TRIM21: variants seen among roughly 807,000 people sequenced by gnomAD.
The protein encoded by TRIM21 is E3 ubiquitin-protein ligase TRIM21.
A neutral mutation model predicts 36.1 loss-of-function variants in TRIM21; 35 were observed. The ratio of observed to expected loss-of-function variants is 0.97; its 90% CI spans 0.74 to 1.28. The LOEUF is 1.28. Ranked by LOEUF, TRIM21 falls within the 50% of genes most tolerant of loss-of-function variation. The pLI, the probability that TRIM21 is intolerant of heterozygous loss-of-function variation, is 0.00. For synonymous variants in TRIM21, 256 were observed against 211.5 expected (o/e 1.21, Z -1.83); for missense variants, 635 against 570.7 (o/e 1.11, Z -1.15).
intron 4 of TRIM21, among the ~76,000 whole-genome samples, chr11:4,387,354 G>A (rs2094957379): frequency 6.6e-6 from 1 of 152,046 alleles, no homozygotes; most frequent in Non-Finnish European, 1.5e-5. Flanking sequence ...GAATGGCCGA[G>A]TTCAGGTGTC....
chr11:4,385,923 G>T lies in TRIM21; in HGVS notation c.860-70C>A, dbSNP rs879026634. ...ACTAAGTCTGTGCCTGTGGTGGGGG[G>T]ATTTTGTGTAAACTCCAGGGTAAGC... On this transcript the variant is annotated intron_variant, in intron 6 of 6. Coordinates refer to ENST00000254436, the MANE Select transcript of TRIM21 (RefSeq NM_003141.4). The T allele has an allele frequency of 8.4e-6, 12 of 1,426,008 alleles. No individual in the cohort carries two copies. The African/African-American group carries it at 1.1e-4, about 14-fold the overall frequency. 88.3% of individuals were successfully genotyped at this position (1,426,008 alleles called of 1,614,324 possible).
intron 1 of TRIM21, among the ~76,000 whole-genome samples, chr11:4,392,719 T>C (rs1156818327): frequency 6.6e-6 from 1 of 152,194 alleles, no homozygotes; most frequent in Non-Finnish European, 1.5e-5. Context: ...GGTCCATTGA[T>C]CCAGTGAGAC....
intron 1 of TRIM21, among the ~76,000 whole-genome samples, 200 bp from the exon 2 acceptor site, chr11:4,390,658 C>G (rs1378564767): frequency 6.6e-6 from 1 of 152,110 alleles, no homozygotes; most frequent in East Asian, 1.9e-4. Context: ...CTGGAGGAAT[C>G]ACATCATCTG....
intron 4 of TRIM21, among the ~76,000 whole-genome samples, chr11:4,387,662 C>T (rs910255995): frequency 6.6e-6 from 1 of 152,026 alleles, no homozygotes; most frequent in Admixed American, 6.5e-5. Context: ...TTGAGACCAG[C>T]CTGACCAACA....
chr11:4,386,461 C>T (rs1191970049), intron 5 of TRIM21: 2 of 627,616 alleles, frequency 3.2e-6, no homozygotes, highest in African/African-American at 3.6e-5. Context: ...ATAGGAGGCT[C>T]TGCAGCATGT....
chr11:4,389,514 G>A, intron 3 of TRIM21, 140 bp downstream of exon 3: 1 of 716,258 alleles, frequency 1.4e-6, no homozygotes, highest in Non-Finnish European at 2.5e-6. Flanking sequence ...AACCTAGAGA[G>A]CAGCTGGCTT....
In TRIM21 at chr11:4,385,605, A is replaced by G; in HGVS notation, c.1108T>C (p.Leu370=). 1 of 1,613,024 alleles carries G rather than the reference A, an allele frequency of 6.2e-7. No individual in the cohort carries two copies. Among genetic ancestry groups the G allele is most frequent in the East Asian group, 2.2e-5 (1 of 44,848 alleles). Residue 370 remains leucine, a synonymous_variant, in exon 7 of 7, where the codon TTG becomes CTG. Transcript: ENST00000254436. ...CAGAAGCCACTCTTGGAACTAAGCA[A>G]AAAGTGCCCCTTCCTGCGCACAGAG... is the stretch of plus-strand genomic sequence containing the variant. ...RDSVRRKGHF[L]LSSKSGFWTI... is the part of the protein sequence containing the mutation.
rs534553053 is a variant in TRIM21, at chr11:4,387,762, C to T, written c.735+538G>A. 5.9e-5 allele frequency among the ~76,000 whole-genome samples: 9 copies of T among 152,114 alleles called. No homozygotes were observed. In the South Asian group the frequency reaches 6.2e-4, roughly 11 times the overall value. ...AGGAGAATCGCTTGAACCCGGGAGG[C>T]GGAGGTTGCAGTGAGCCAAGATCAC... On this transcript the variant is annotated intron_variant, in intron 4 of 6. Transcript: ENST00000254436.
At chr11:4,387,465 G>A (rs1435443014) in intron 4 of TRIM21, among the ~76,000 whole-genome samples, 1 of 152,126 alleles carries the variant, frequency 6.6e-6, no homozygotes, top group Non-Finnish European at 1.5e-5. Flanking sequence ...CTTCCTGTAT[G>A]TGAAACCAAA....
Position 4,385,041 on chromosome 11 carries a change from T to C in TRIM21, c.*244A>G, listed in dbSNP as rs906257059. On this transcript the variant is annotated 3_prime_UTR_variant, in exon 7 of 7. Transcript: ENST00000254436. ...AAGTCCCATAAAGAAGGCAGAAACA[T>C]GTTTTTGGTTGATCAAGATGAGTTT... 6.7e-6 allele frequency: 3 copies of C among 447,134 alleles called. No individual in the cohort carries two copies. The highest frequency in any genetic ancestry group is 4.0e-5 in the African/African-American group (2 of 49,496). 27.7% of individuals were successfully genotyped at this position (447,134 alleles called of 1,614,324 possible).
At chr11:4,386,434 C>G in intron 5 of TRIM21, 177 bp from the exon 6 acceptor site, 1 of 663,402 alleles carries the variant, frequency 1.5e-6, no homozygotes, top group Non-Finnish European at 2.7e-6. Context: ...TTAGTTTCTA[C>G]CCAGGAGTTC....
chr11:4,388,033 C>A (rs1443549662), intron 4 of TRIM21, among the ~76,000 whole-genome samples: 1 of 152,136 alleles, frequency 6.6e-6, no homozygotes, highest in African/African-American at 2.4e-5. Context: ...ACCATCTAGT[C>A]CATAGTTTCC....
At chr11:4,390,893 C>T (rs1359109442) in intron 1 of TRIM21, among the ~76,000 whole-genome samples, 1 of 152,228 alleles carries the variant, frequency 6.6e-6, no homozygotes, top group Non-Finnish European at 1.5e-5. Flanking sequence ...TGAAACTACA[C>T]TCCTATGTCT....
At chr11:4,392,571 A>ACAAAACAAAACAAAACAAAACAAAAC (rs1564811169) in intron 1 of TRIM21, among the ~76,000 whole-genome samples, 1 of 150,706 alleles carries the variant, frequency 6.6e-6, no homozygotes, top group Non-Finnish European at 1.5e-5. Flanking sequence ...CCTCTCAAAA[A>ACAAAACAAAACAAAACAAAACAAAAC]CAAAACAAAA....
chr11:4,384,979 C>T lies in TRIM21; in HGVS notation c.*306G>A, dbSNP rs190812603. On this transcript the variant is annotated 3_prime_UTR_variant, in exon 7 of 7. Coordinates refer to ENST00000254436, the MANE Select transcript of TRIM21 (RefSeq NM_003141.4). ...GATATAATAGAGATCTCACCAAAGACGACATCCTAGAGATGGAGAGGAGAA... is the reference window on the plus strand; with the variant it reads ...GATATAATAGAGATCTCACCAAAGATGACATCCTAGAGATGGAGAGGAGAA... 150 of 324,890 alleles carry T rather than the reference C, an allele frequency of 4.6e-4. 3 individuals are homozygous for T. Among genetic ancestry groups the T allele is most frequent in the East Asian group, 2.9e-3 (52 of 17,888 alleles). 20.1% of individuals were successfully genotyped at this position (324,890 alleles called of 1,614,324 possible).
chr11:4,388,916 A>G lies in TRIM21; in HGVS notation c.505-386T>C, dbSNP rs780753367. Among the ~76,000 whole-genome samples the G allele has an allele frequency of 9.9e-5, 15 of 152,238 alleles. No individual in the cohort carries two copies. The South Asian group carries it at 1.0e-3, about 11-fold the overall frequency. On this transcript the variant is annotated intron_variant, in intron 3 of 6. Coordinates refer to ENST00000254436, the MANE Select transcript of TRIM21 (RefSeq NM_003141.4). Reference sequence around the variant, plus strand: ...AAAAAATCACCTGTTCCCACCTCCAACAACCTCACAAAGCCAGGCTCACGC... The same window carrying G: ...AAAAAATCACCTGTTCCCACCTCCAGCAACCTCACAAAGCCAGGCTCACGC...
rs186319330 is a variant in TRIM21 at position 4,391,745 on chromosome 11, T to C, written c.-49-1287A>G. ...TACACAATGGAGTACTGTTCAGTCA[T>C]AAAATATAATGAGATCCTGTCATTC... is the stretch of plus-strand genomic sequence containing the variant. On this transcript the variant is annotated intron_variant, in intron 1 of 6. Coordinates refer to ENST00000254436, the MANE Select transcript of TRIM21 (RefSeq NM_003141.4). 2.9e-3 allele frequency among the ~76,000 whole-genome samples: 440 copies of C among 152,288 alleles called. 5 individuals carry two copies. The highest frequency in any genetic ancestry group is 9.9e-3 in the African/African-American group (413 of 41,544).
At chr11:4,392,333 G>A (rs910582444) in intron 1 of TRIM21, among the ~76,000 whole-genome samples, 17 of 152,186 alleles carry the variant, frequency 1.1e-4, no homozygotes, top group Admixed American at 1.0e-3. Context: ...TTGGGAGGCC[G>A]AGGTGGGTGG....
rs117975807 is a variant in TRIM21 at position 4,390,525 on chromosome 11, C to T, written c.-49-67G>A. On this transcript the variant is annotated intron_variant, in intron 1 of 6. Transcript: ENST00000254436. The stretch of plus-strand genomic sequence containing the variant: ...CTGTGTAAGAAAAACAAAAAGTCAA[C>T]ATAATCCCTATCAAAATACCAATGA... The T allele has an allele frequency of 4.5e-4, 455 of 1,000,834 alleles. No individual in the cohort carries two copies. In the Middle Eastern group the frequency reaches 7.0e-3, roughly 15 times the overall value. The allele number at this position is 1,000,834 out of a possible 1,614,324, so 62.0% of individuals were successfully genotyped here.
Sources: gnomAD v4.1 joint callset for allele counts (sites outside exome capture counted in the v4.1 genomes callset) on GRCh38, gnomAD v4.1.1 for gene constraint, MANE v1.5 for transcripts, NCBI Gene and HGNC (gene_info 2026-07-23, HGNC 2026-07-21) for gene names.